The following CADM2 variants were observed in gnomAD, a reference collection of about 807,000 sequenced individuals.
The protein encoded by CADM2 is cell adhesion molecule 2.
A neutral mutation model predicts 49.8 loss-of-function variants in CADM2; 12 were observed. The observed-to-expected ratio is 0.24, with a 90% CI of 0.15 to 0.39. The LOEUF (loss-of-function observed/expected upper bound fraction) is 0.39, where lower values mean the gene tolerates loss of function less well. Ranked by LOEUF, CADM2 falls within the 10% of genes least tolerant of loss-of-function variation. The probability of loss-of-function intolerance (pLI) is 1.00; values close to 1 mark genes in which losing one functional copy is unlikely to be tolerated. For missense variants in CADM2, 378 were observed against 492.3 expected (o/e 0.77, Z 2.20); for synonymous variants, 214 against 175.4 (o/e 1.22, Z -1.74).
chr3:85,812,275 G>A (rs2072927125), intron 3 of CADM2, among the ~76,000 whole-genome samples: 2 of 151,924 alleles, frequency 1.3e-5, no homozygotes, highest in Non-Finnish European at 1.5e-5. Flanking sequence ...TATCCTTCAT[G>A]AGTCTAGAAA....
intron 8 of CADM2, chr3:86,012,907 G>A (rs1270722794): frequency 3.4e-6 from 2 of 594,982 alleles, no homozygotes; most frequent in East Asian, 3.3e-5. Context: ...CCCGGGAGGC[G>A]GAGCTTGCAG....
Position 86,067,035 on chromosome 3 carries a change from G to A in CADM2, c.*252G>A. 2.3e-6 allele frequency: 1 copy of A among 439,512 alleles called. No homozygotes were observed. The highest frequency in any genetic ancestry group is 4.1e-6 in the Non-Finnish European group (1 of 242,766). 27.2% of individuals were successfully genotyped at this position (439,512 alleles called of 1,614,324 possible). ...ATTGCTCTTTTAACATACAGTGCTT[G>A]AATATACAGCCTTAACAATGTTAAT... On this transcript the variant is annotated 3_prime_UTR_variant, in exon 10 of 10. Coordinates refer to ENST00000383699, the MANE Select transcript of CADM2 (RefSeq NM_001167675.2).
chr3:85,248,297 C>T (rs2096560071), intron 1 of CADM2, among the ~76,000 whole-genome samples: 1 of 151,868 alleles, frequency 6.6e-6, no homozygotes, highest in Non-Finnish European at 1.5e-5. Context: ...TTTTTTGAGA[C>T]AGAGTCTCGC....
intron 8 of CADM2, among the ~76,000 whole-genome samples, chr3:86,017,882 A>AT (rs200013069): frequency 0.031 from 4,612 of 146,542 alleles, 141 homozygotes; most frequent in African/African-American, 0.077. Context: ...TATTTTTATT[A>AT]TTTTTTTATT....
Position 85,187,830 on chromosome 3 carries a change from G to A in CADM2, c.61+228162G>A, listed in dbSNP as rs547019664. 4.3e-4 allele frequency among the ~76,000 whole-genome samples: 66 copies of A among 151,904 alleles called. No homozygotes were observed. The South Asian group carries it at 0.014, about 31-fold the overall frequency. On this transcript the variant is annotated intron_variant, in intron 1 of 9. Coordinates refer to ENST00000383699, the MANE Select transcript of CADM2 (RefSeq NM_001167675.2). ...TATAAGGTACTTACTATATTTTATTGTAATAACAAATACTTTTTTTTCAAA... is the reference window on the plus strand; with the variant it reads ...TATAAGGTACTTACTATATTTTATTATAATAACAAATACTTTTTTTTCAAA...
chr3:85,523,308 G>A (rs2061073577), intron 1 of CADM2, among the ~76,000 whole-genome samples: 1 of 152,138 alleles, frequency 6.6e-6, no homozygotes, highest in African/African-American at 2.4e-5. Context: ...TGAGTTAGGA[G>A]TGTCTAGTTT....
intron 1 of CADM2, among the ~76,000 whole-genome samples, chr3:85,080,792 T>C (rs1388992781): frequency 9.2e-5 from 14 of 152,042 alleles, no homozygotes; most frequent in Non-Finnish European, 1.2e-4. Flanking sequence ...CCTATATTAT[T>C]TTTTTCAAGT....
intron 1 of CADM2, among the ~76,000 whole-genome samples, chr3:85,034,442 C>T (rs749609173): frequency 1.2e-4 from 18 of 152,182 alleles, no homozygotes; most frequent in Non-Finnish European, 2.1e-4. Flanking sequence ...TTCTTTTTTA[C>T]GGCTAAATAG....
chr3:85,360,684 C>A (rs756777814), intron 1 of CADM2, among the ~76,000 whole-genome samples: 5 of 152,146 alleles, frequency 3.3e-5, no homozygotes, highest in Non-Finnish European at 7.4e-5. Context: ...GTTGATTTTG[C>A]CTCCTAATTT....
intron 7 of CADM2, among the ~76,000 whole-genome samples, chr3:85,945,698 T>C (rs1722593164): frequency 6.6e-6 from 1 of 152,140 alleles, no homozygotes; most frequent in African/African-American, 2.4e-5. Context: ...TCTCAATAGA[T>C]GCAGAAAAGG....
intron 1 of CADM2, among the ~76,000 whole-genome samples, chr3:85,608,521 C>A (rs1399833087): frequency 6.6e-6 from 1 of 152,114 alleles, no homozygotes; most frequent in Non-Finnish European, 1.5e-5. Flanking sequence ...AAGTCAATTA[C>A]AATTGCTAAA....
chr3:85,996,211 C>T (rs1418541548), intron 8 of CADM2, among the ~76,000 whole-genome samples: 1 of 150,922 alleles, frequency 6.6e-6, no homozygotes, highest in African/African-American at 2.4e-5. Context: ...AATTTACTTT[C>T]AGACAATGCC....
chr3:85,092,054 A>T (rs1214891487), intron 1 of CADM2, among the ~76,000 whole-genome samples: 1 of 152,162 alleles, frequency 6.6e-6, no homozygotes, highest in Non-Finnish European at 1.5e-5. Context: ...AATTTTGTTT[A>T]ATACTTATTA....
At chr3:85,835,720 G>GTA (rs377757726) in intron 3 of CADM2, among the ~76,000 whole-genome samples, 288 of 144,188 alleles carry the variant, frequency 2.0e-3, no homozygotes, top group African/African-American at 5.0e-3. Context: ...ATGTGTATGT[G>GTA]TATATATATA....
intron 1 of CADM2, among the ~76,000 whole-genome samples, chr3:85,417,044 T>C (rs567335685): frequency 6.6e-6 from 1 of 152,256 alleles, no homozygotes; most frequent in East Asian, 1.9e-4. Context: ...ATGAGATGAT[T>C]ATATCCTAAC....
At chr3:85,262,924 G>T (rs1440503519) in intron 1 of CADM2, among the ~76,000 whole-genome samples, 10,320 of 152,120 alleles carry the variant, frequency 0.068, 1,151 homozygotes, top group African/African-American at 0.23. Flanking sequence ...TACTCTGTAT[G>T]TGTATGTGTA....
chr3:85,245,308 C>G (rs545209522), intron 1 of CADM2, among the ~76,000 whole-genome samples: 1 of 151,900 alleles, frequency 6.6e-6, no homozygotes, highest in Non-Finnish European at 1.5e-5. Context: ...GTCAGGAGAT[C>G]GAGACCATCC....
chr3:85,371,677 G>GTGTATATATA (rs1251505613), intron 1 of CADM2, among the ~76,000 whole-genome samples: 96 of 95,106 alleles, frequency 1.0e-3, no homozygotes, highest in African/African-American at 3.5e-3. Flanking sequence ...GTGTGTGTGT[G>GTGTATATATA]TATATATATA....
At chr3:84,960,661 C>T (rs369476718) in intron 1 of CADM2, among the ~76,000 whole-genome samples, 1 of 152,260 alleles carries the variant, frequency 6.6e-6, no homozygotes, top group East Asian at 1.9e-4. Context: ...GGAAACCGCA[C>T]AAAACGCTGT....
Sources: allele counts gnomAD v4.1 joint callset (sites outside exome capture counted in the v4.1 genomes callset), GRCh38; gene constraint gnomAD v4.1.1; transcripts MANE v1.5; gene names NCBI Gene and HGNC (gene_info 2026-07-23, HGNC 2026-07-21).